The following SEC61A1 variants were observed in gnomAD, a reference collection of about 807,000 sequenced individuals.
The protein encoded by SEC61A1 is SEC61 translocon subunit alpha 1.
SEC61A1 carries 15 observed loss-of-function variants against 55.2 expected under a neutral mutation model. The observed-to-expected ratio is 0.27, with a 90% CI of 0.18 to 0.42. The LOEUF (loss-of-function observed/expected upper bound fraction) is 0.42, where lower values mean the gene tolerates loss of function less well. SEC61A1 is among the 10% of genes least tolerant of loss of function. The pLI is 1.00. For synonymous variants in SEC61A1, 247 were observed against 234.0 expected (o/e 1.06, Z -0.51); for missense variants, 284 against 602.6 (o/e 0.47, Z 5.53).
chr3:128,052,802 C>T (rs761347606), intron 1 of SEC61A1, 33 bp from the exon 2 acceptor site: 4 of 1,595,182 alleles, frequency 2.5e-6, no homozygotes, highest in East Asian at 2.2e-5. Flanking sequence ...TCTCTGTGTC[C>T]CAACTCTTCC....
Position 128,067,461 on chromosome 3 carries a change from G to A in SEC61A1, c.1016G>A (p.Gly339Asp). ...SGGPARAYPV[G>D]GLCYYLSPPE... ...GGCCCAGCACGTGCTTATCCAGTTG[G>A]TGGCCTTTGCTATTACCTGTCCCCT... The change falls in exon 10 of 12, where the codon GGT becomes GAT. Residue 339 changes from glycine (G) to aspartate (D), a missense_variant. Coordinates refer to ENST00000243253, the MANE Select transcript of SEC61A1 (RefSeq NM_013336.4). The surrounding 1 kb of genome is among the most constrained non-coding windows in gnomAD (Gnocchi z 4.1). 6.2e-7 allele frequency: 1 copy of A among 1,614,154 alleles called. No homozygotes were observed.
In SEC61A1 at chr3:128,056,860, A is replaced by T. The variant is rs766252550; in HGVS notation, c.352+20A>T. On this transcript the variant is annotated intron_variant, in intron 5 of 11. Transcript: ENST00000243253. ...AAAAGTGTAAGAAAGATTGTGAATA[A>T]TCTGATGTCTATAGTTGGAAAATTT... The T allele has an allele frequency of 2.0e-6, 3 of 1,521,494 alleles. No individual in the cohort carries two copies. The highest frequency in any genetic ancestry group is 2.0e-5 in the Admixed American group (1 of 49,354). The allele number at this position is 1,521,494 out of a possible 1,614,324, so 94.2% of individuals were successfully genotyped here.
chr3:128,064,650 TA>T (rs1215815330), intron 7 of SEC61A1: 21 of 524,160 alleles, frequency 4.0e-5, no homozygotes, highest in East Asian at 1.7e-4. Context: ...GGACCCTGTC[TA>T]AAAAAAATCA....
At chr3:128,064,028 T>C (rs1389642788) in intron 7 of SEC61A1, among the ~76,000 whole-genome samples, 1 of 152,054 alleles carries the variant, frequency 6.6e-6, no homozygotes, top group Non-Finnish European at 1.5e-5. Context: ...CCTGGCAGGG[T>C]GTCATTTGGA....
At position 128,067,716 on chromosome 3, in the gene SEC61A1, A is replaced by C; in HGVS notation, c.1167+104A>C. On this transcript the variant is annotated intron_variant, in intron 10 of 11. Coordinates refer to ENST00000243253, the MANE Select transcript of SEC61A1 (RefSeq NM_013336.4). The surrounding 1 kb of genome is among the most constrained non-coding windows in gnomAD (Gnocchi z 4.1). ...AAATAATGGTCTGTGACGTGTGCAGATAGATCGTCGTCCTTTAGGGGGCAG... is the reference window on the plus strand; with the variant it reads ...AAATAATGGTCTGTGACGTGTGCAGCTAGATCGTCGTCCTTTAGGGGGCAG... The C allele has an allele frequency of 1.0e-6, 1 of 969,414 alleles. No homozygotes were observed. The highest frequency in any genetic ancestry group is 1.5e-6 in the Non-Finnish European group (1 of 649,674). The allele number at this position is 969,414 out of a possible 1,614,324, so 60.1% of individuals were successfully genotyped here.
intron 5 of SEC61A1, 45 bp from the exon 6 acceptor site, chr3:128,060,057 T>C (rs746446962): frequency 7.2e-7 from 1 of 1,385,802 alleles, no homozygotes; most frequent in East Asian, 2.3e-5. Context: ...TCTTTTGTTC[T>C]GTGTAGTGAC....
chr3:128,060,342 G>C (rs967427452), intron 6 of SEC61A1, 131 bp downstream of exon 6: 34 of 1,037,240 alleles, frequency 3.3e-5, no homozygotes, highest in Admixed American at 8.5e-5. Context: ...CTCTGGGTTA[G>C]CCCTCTGAAT....
intron 2 of SEC61A1, among the ~76,000 whole-genome samples, chr3:128,054,076 G>A (rs1319985934): frequency 1.3e-5 from 2 of 152,200 alleles, no homozygotes; most frequent in Non-Finnish European, 2.9e-5. Context: ...GGGAACATTA[G>A]GAGATGAATA....
intron 5 of SEC61A1, among the ~76,000 whole-genome samples, chr3:128,058,201 A>T (rs1189294063): frequency 3.8e-3 from 298 of 79,254 alleles, no homozygotes; most frequent in Middle Eastern, 0.012. Context: ...AAATACGTCT[A>T]TTTTTTTTTT....
rs180977248 is a variant in SEC61A1, at chr3:128,066,862, G to A, written c.778-92G>A. The A allele has an allele frequency of 1.6e-5, 19 of 1,224,820 alleles. No individual in the cohort carries two copies. In the Admixed American group the frequency reaches 2.5e-4, roughly 16 times the overall value. 75.9% of individuals were successfully genotyped at this position (1,224,820 alleles called of 1,614,324 possible). On this transcript the variant is annotated intron_variant, in intron 8 of 11. Transcript: ENST00000243253. ...CAGCACACAGGATTTCCTCCCTTGT[G>A]GCCCACTGGACAGTCCCCGGCCGGG...
In SEC61A1 at chr3:128,070,256, C is replaced by G. The variant is rs917386485; in HGVS notation, c.*594C>G. 5.9e-5 allele frequency: 9 copies of G among 152,390 alleles called. No homozygotes were observed. The highest frequency in any genetic ancestry group is 1.9e-4 in the African/African-American group (8 of 41,564). 9.4% of individuals were successfully genotyped at this position (152,390 alleles called of 1,614,324 possible). Reference sequence around the variant, plus strand: ...AACTTCTTCCAAAAGAGAGGGATGGCTTTCCCAGAAGACACTCCTGGCCAT... The same window carrying G: ...AACTTCTTCCAAAAGAGAGGGATGGGTTTCCCAGAAGACACTCCTGGCCAT... On this transcript the variant is annotated 3_prime_UTR_variant, in exon 12 of 12. Transcript: ENST00000243253.
chr3:128,067,239 C>T lies in SEC61A1; in HGVS notation c.975+88C>T. Reference sequence around the variant, plus strand: ...TCTTGCTCATGAACAGATATTTCATCCAAAGATATTTTCCATTGTGCCTTT... The same window carrying T: ...TCTTGCTCATGAACAGATATTTCATTCAAAGATATTTTCCATTGTGCCTTT... On this transcript the variant is annotated intron_variant, in intron 9 of 11. Transcript: ENST00000243253. This position sits in a 1 kb window ranked among gnomAD's most constrained non-coding sequence, Gnocchi z 4.1. The T allele has an allele frequency of 7.3e-7, 1 of 1,376,442 alleles. No individual in the cohort carries two copies. Among genetic ancestry groups the T allele is most frequent in the Admixed American group, 1.8e-5 (1 of 54,664 alleles). 85.3% of individuals were successfully genotyped at this position (1,376,442 alleles called of 1,614,324 possible).
chr3:128,056,757 T>C lies in SEC61A1; in HGVS notation c.269T>C (p.Ile90Thr). The part of the protein sequence containing the change: ...GISPIVTSGL[I>T]MQLLAGAKII... ...TCTCCTATTGTCACGTCTGGCCTTA[T>C]AATGCAACTCTTGGCTGGCGCCAAG... The change falls in exon 5 of 12, where the codon ATA becomes ACA. Residue 90 changes from isoleucine to threonine, a missense_variant. By Grantham distance (89) the Ile-to-Thr change is moderately conservative. Transcript: ENST00000243253. 6.2e-7 allele frequency: 1 copy of C among 1,610,638 alleles called. No individual in the cohort carries two copies. Among genetic ancestry groups the C allele is most frequent in the Non-Finnish European group, 8.5e-7 (1 of 1,178,382 alleles).
Position 128,064,968 on chromosome 3 carries a change from C to G in SEC61A1, c.708C>G (p.Arg236=). 1.2e-6 allele frequency: 2 copies of G among 1,614,204 alleles called. No individual in the cohort carries two copies. Among genetic ancestry groups the G allele is most frequent in the South Asian group, 1.1e-5 (1 of 91,086 alleles). The change falls in exon 8 of 12, where the codon CGC becomes CGG. Residue 236 remains arginine, a synonymous_variant. Coordinates refer to ENST00000243253, the MANE Select transcript of SEC61A1 (RefSeq NM_013336.4). ...GAGCCCTTCGGGAGGCGTTCTACCG[C>G]CAGAATCTTCCCAACCTCATGAATC... is the stretch of plus-strand genomic sequence containing the variant. ...KVRALREAFY[R]QNLPNLMNLI... is the part of the protein sequence containing the mutation.
At position 128,069,459 on chromosome 3, in the gene SEC61A1, T is replaced by C. The variant is rs1414376113; in HGVS notation, c.1245-17T>C. 2 of 1,605,686 alleles carry C rather than the reference T, an allele frequency of 1.2e-6. No individual in the cohort carries two copies. Among genetic ancestry groups the C allele is most frequent in the Non-Finnish European group, 1.7e-6 (2 of 1,178,636 alleles). On this transcript the variant is annotated splice_polypyrimidine_tract_variant and intron_variant, in intron 11 of 11. Transcript: ENST00000243253. ...GCTCTGTGGGTGTCCAGGAGCTGAC[T>C]GTGTCCCCTCCCCCAGGTACATCCC...
At chr3:128,055,641 T>A in intron 3 of SEC61A1, 32 bp from the exon 4 acceptor site, 1 of 1,606,604 alleles carries the variant, frequency 6.2e-7, no homozygotes, top group Non-Finnish European at 8.5e-7. Context: ...GAAACAGGAG[T>A]GCTGACTGTT....
At chr3:128,069,227 C>T (rs1256621126) in intron 11 of SEC61A1, among the ~76,000 whole-genome samples, 1 of 152,238 alleles carries the variant, frequency 6.6e-6, no homozygotes, top group African/African-American at 2.4e-5. Flanking sequence ...GTCTTCAAAT[C>T]TCCAAAATCT....
Position 128,067,221 on chromosome 3 carries a change from C to T in SEC61A1, c.975+70C>T, listed in dbSNP as rs1942007007. ...CAGTGGTTTCTATCAGTGTCTTGCT[C>T]ATGAACAGATATTTCATCCAAAGAT... On this transcript the variant is annotated intron_variant, in intron 9 of 11. Coordinates refer to ENST00000243253, the MANE Select transcript of SEC61A1 (RefSeq NM_013336.4). This position sits in a 1 kb window ranked among gnomAD's most constrained non-coding sequence, Gnocchi z 4.1. 1 of 1,429,340 alleles carries T rather than the reference C, an allele frequency of 7.0e-7. No individual in the cohort carries two copies. Among genetic ancestry groups the T allele is most frequent in the African/African-American group, 1.4e-5 (1 of 71,028 alleles). 88.5% of individuals were successfully genotyped at this position (1,429,340 alleles called of 1,614,324 possible). A position where few individuals can be genotyped will look rare whatever the true frequency, so the allele number is the denominator to read the frequency against.
chr3:128,052,989 C>G, intron 2 of SEC61A1, 87 bp downstream of exon 2: 1 of 991,940 alleles, frequency 1.0e-6, no homozygotes, highest in Non-Finnish European at 1.5e-6. Flanking sequence ...ATGGCTTCAG[C>G]ACGGCAATGG....
Sources: gnomAD v4.1 joint callset for allele counts (sites outside exome capture counted in the v4.1 genomes callset) on GRCh38, gnomAD v4.1.1 for gene constraint, Gnocchi (gnomAD v3.1) non-coding constraint, MANE v1.5 for transcripts, NCBI Gene and HGNC (gene_info 2026-07-23, HGNC 2026-07-21) for gene names.